PRPF4: variants seen among roughly 807,000 people sequenced by gnomAD.
The protein encoded by PRPF4 is pre-mRNA splicing tri-snRNP complex factor PRPF4.
Under a neutral mutation model 72.2 loss-of-function variants are expected in PRPF4, and 14 were observed. That is an observed-to-expected ratio of 0.19 (90% confidence interval 0.13 to 0.30). PRPF4 has a LOEUF of 0.30. Ranked by LOEUF, PRPF4 falls within the 10% of genes least tolerant of loss-of-function variation. The pLI is 1.00. For synonymous variants in PRPF4, 225 were observed against 232.2 expected (o/e 0.97, Z 0.28); for missense variants, 478 against 653.9 (o/e 0.73, Z 2.93).
rs377765365 is a variant in PRPF4 at position 113,275,691 on chromosome 9, T to A, written c.-53T>A. The A allele has an allele frequency of 1.9e-6, 3 of 1,594,236 alleles. No homozygotes were observed. The highest frequency in any genetic ancestry group is 2.6e-6 in the Non-Finnish European group (3 of 1,170,242). ...CCTCTGCTGGGCGCGCGGTGGACGGTCTGAAAGGGAGTGTTCGGGTTTCGC... is the reference window on the plus strand; with the variant it reads ...CCTCTGCTGGGCGCGCGGTGGACGGACTGAAAGGGAGTGTTCGGGTTTCGC... On this transcript the variant is annotated 5_prime_UTR_variant, in exon 1 of 14. Coordinates refer to ENST00000374198, the MANE Select transcript of PRPF4 (RefSeq NM_001244926.2).
At chr9:113,282,898 A>G in intron 4 of PRPF4, 165 bp downstream of exon 4, 1 of 999,322 alleles carries the variant, frequency 1.0e-6, no homozygotes, top group Non-Finnish European at 1.5e-6. Context: ...GTTCCTTTGT[A>G]AGTATGAATG....
intron 8 of PRPF4, 89 bp downstream of exon 8, chr9:113,286,379 C>T (rs1832450178): frequency 5.8e-6 from 7 of 1,205,444 alleles, no homozygotes; most frequent in Middle Eastern, 1.9e-4. Context: ...AGACCCCATA[C>T]ACACAGCATT....
chr9:113,288,439 C>CT, intron 10 of PRPF4, among the ~76,000 whole-genome samples, 175 bp downstream of exon 10: 1 of 117,946 alleles, frequency 8.5e-6, no homozygotes. Flanking sequence ...AGTATATTTG[C>CT]CTTTTTTTTT....
In PRPF4 at chr9:113,276,664, G is replaced by C. The variant is rs1241000375; in HGVS notation, c.144G>C (p.Gly48=). 6.2e-7 allele frequency: 1 copy of C among 1,614,090 alleles called. No homozygotes were observed. The highest frequency in any genetic ancestry group is 8.5e-7 in the Non-Finnish European group (1 of 1,180,020). The change falls in exon 2 of 14, where the codon GGG becomes GGC. Residue 48 remains glycine (G), a synonymous_variant. Coordinates refer to ENST00000374198, the MANE Select transcript of PRPF4 (RefSeq NM_001244926.2). ...AGCGTCTGGCCAAAGGAGAGTCTGG[G>C]ATTTTGGGGAAAGACGGACTTAAAG... ...ERERLAKGES[G]ILGKDGLKAG... is the part of the protein sequence containing the mutation.
Position 113,284,351 on chromosome 9 carries a change from C to G in PRPF4, c.711C>G (p.His237Gln). 6.2e-7 allele frequency: 1 copy of G among 1,613,482 alleles called. No individual in the cohort carries two copies. The highest frequency in any genetic ancestry group is 8.5e-7 in the Non-Finnish European group (1 of 1,179,484). The change falls in exon 7 of 14, where the codon CAC becomes CAG. Residue 237 changes from histidine (H) to glutamine (Q), a missense_variant. Transcript: ENST00000374198. ...IGDDRPISYCHFSPNSKMLAT... is the reference protein window; with the variant it reads ...IGDDRPISYCQFSPNSKMLAT... ...ATGATCGGCCTATCTCCTACTGTCA[C>G]TTTAGTCCCAATTCCAAGATGCTGG...
At chr9:113,282,497 G>C (rs566583934) in intron 3 of PRPF4, 149 bp from the exon 4 acceptor site, 1 of 562,002 alleles carries the variant, frequency 1.8e-6, no homozygotes, top group East Asian at 3.1e-5. Context: ...AGGTTGCTAG[G>C]TGGTTTGAAC....
At chr9:113,288,315 A>G (rs1202089661) in intron 10 of PRPF4, 51 bp downstream of exon 10, 2 of 1,546,174 alleles carry the variant, frequency 1.3e-6, no homozygotes, top group Non-Finnish European at 1.8e-6. Flanking sequence ...GCATCTTCTT[A>G]ACCCTTTATG....
At chr9:113,283,026 C>G (rs963636967) in intron 4 of PRPF4, 106 bp from the exon 5 acceptor site, 2 of 1,554,976 alleles carry the variant, frequency 1.3e-6, no homozygotes, top group Non-Finnish European at 1.7e-6. Context: ...ATCCTATTAC[C>G]GAATGAATTC....
chr9:113,276,756 C>G (rs772293036), intron 2 of PRPF4, 31 bp downstream of exon 2: 4 of 1,574,200 alleles, frequency 2.5e-6, no homozygotes. Context: ...CCATCTTTAC[C>G]TCTTTGTGTA....
In PRPF4 at chr9:113,275,682, G is replaced by A. The variant is rs1048147319; in HGVS notation, c.-62G>A. The A allele has an allele frequency of 6.4e-6, 10 of 1,570,586 alleles. No individual in the cohort carries two copies. Among genetic ancestry groups the A allele is most frequent in the South Asian group, 1.2e-5 (1 of 86,852 alleles). ...CGCACTTCCCCTCTGCTGGGCGCGC[G>A]GTGGACGGTCTGAAAGGGAGTGTTC... On this transcript the variant is annotated 5_prime_UTR_variant, in exon 1 of 14. Transcript: ENST00000374198.
At position 113,283,314 on chromosome 9, in the gene PRPF4, G is replaced by A. The variant is rs1832336459; in HGVS notation, c.561-75G>A. The A allele has an allele frequency of 3.7e-6, 6 of 1,612,142 alleles. No individual in the cohort carries two copies. The East Asian group carries it at 6.7e-5, about 18-fold the overall frequency. ...GACTATGGTTGTTAAATGAAATTGA[G>A]GGGTAGAGTAGGGATACATGTGGGT... On this transcript the variant is annotated intron_variant, in intron 5 of 13. Transcript: ENST00000374198.
intron 10 of PRPF4, among the ~76,000 whole-genome samples, chr9:113,288,597 C>T (rs946260958): frequency 1.3e-5 from 2 of 152,088 alleles, no homozygotes; most frequent in Non-Finnish European, 2.9e-5. Context: ...CCACCATGCC[C>T]AGCTAATTTT....
intron 7 of PRPF4, 65 bp downstream of exon 7, chr9:113,284,454 A>T (rs965714108): frequency 2.2e-6 from 3 of 1,364,884 alleles, no homozygotes; most frequent in African/African-American, 2.9e-5. Context: ...GAAAATTAGC[A>T]TTTGCGTTAG....
Position 113,291,699 on chromosome 9 carries a change from T to C in PRPF4, c.*39T>C, listed in dbSNP as rs368336819. 48 of 1,588,102 alleles carry C rather than the reference T, an allele frequency of 3.0e-5. No individual in the cohort carries two copies. The highest frequency in any genetic ancestry group is 3.9e-5 in the Non-Finnish European group (45 of 1,159,338). The stretch of plus-strand genomic sequence containing the variant: ...AAGGACTTGAACCTCAAGCTCTCTC[T>C]AAGGAGCTGTTTTCCTCAAACGAGA... On this transcript the variant is annotated 3_prime_UTR_variant, in exon 14 of 14. Transcript: ENST00000374198.
intron 1 of PRPF4, 22 bp from the exon 2 acceptor site, chr9:113,276,526 A>G (rs756104618): frequency 6.2e-7 from 1 of 1,613,724 alleles, no homozygotes; most frequent in African/African-American, 1.3e-5. Context: ...CCTTAGTTTA[A>G]TGCAGATCTT....
chr9:113,291,121 A>G, intron 13 of PRPF4, 105 bp downstream of exon 13: 2 of 1,176,632 alleles, frequency 1.7e-6, no homozygotes, highest in South Asian at 2.5e-5. Context: ...AAAACAGGAG[A>G]GAAATTGACC....
intron 3 of PRPF4, among the ~76,000 whole-genome samples, chr9:113,280,606 T>C (rs1832248923): frequency 6.6e-6 from 1 of 152,218 alleles, no homozygotes; most frequent in South Asian, 2.1e-4. Context: ...ACTGTTGTGA[T>C]AGCCCCAAAC....
chr9:113,282,122 G>A (rs1306528698), intron 3 of PRPF4, among the ~76,000 whole-genome samples: 1 of 152,174 alleles, frequency 6.6e-6, no homozygotes, highest in Non-Finnish European at 1.5e-5. Flanking sequence ...AAATAGAGAA[G>A]ACTGAGTGGG....
chr9:113,290,622 A>G (rs1265604117), intron 11 of PRPF4, 34 bp downstream of exon 11: 2 of 1,614,168 alleles, frequency 1.2e-6, no homozygotes, highest in East Asian at 2.2e-5. Context: ...GGGGCAGTTC[A>G]GTACTCTCAC....
Sources: allele counts gnomAD v4.1 joint callset (sites outside exome capture counted in the v4.1 genomes callset), GRCh38; gene constraint gnomAD v4.1.1; transcripts MANE v1.5; gene names NCBI Gene and HGNC (gene_info 2026-07-23, HGNC 2026-07-21).